The following FNDC3B variants were observed in gnomAD, a reference collection of about 807,000 sequenced individuals.
FNDC3B encodes fibronectin type III domain containing 3B.
FNDC3B carries 12 observed loss-of-function variants against 151.5 expected under a neutral mutation model. That is an observed-to-expected ratio of 0.08 (90% CI 0.05 to 0.13). The LOEUF is 0.13. FNDC3B is among the 10% of genes least tolerant of loss of function. The probability of loss-of-function intolerance (pLI) is 1.00; values close to 1 mark genes in which losing one functional copy is unlikely to be tolerated. For missense variants in FNDC3B, 1,214 were observed against 1,505.3 expected (o/e 0.81, Z 3.20); for synonymous variants, 528 against 549.0 (o/e 0.96, Z 0.54).
intron 11 of FNDC3B, among the ~76,000 whole-genome samples, chr3:172,314,314 A>G (rs535461685): frequency 6.6e-6 from 1 of 152,282 alleles, no homozygotes; most frequent in East Asian, 1.9e-4. Flanking sequence ...ACAAACTTAG[A>G]TTGCAGAAAG....
chr3:172,287,110 C>T (rs948491229), intron 7 of FNDC3B, among the ~76,000 whole-genome samples: 5 of 152,164 alleles, frequency 3.3e-5, no homozygotes, highest in Admixed American at 6.5e-5. Flanking sequence ...AGATGCCTTC[C>T]TGATTGCTGT....
At chr3:172,389,518 C>A (rs956045240) in intron 25 of FNDC3B, among the ~76,000 whole-genome samples, 1 of 152,078 alleles carries the variant, frequency 6.6e-6, no homozygotes, top group South Asian at 2.1e-4. Flanking sequence ...ACTATTAGAA[C>A]GTATTAGAAA....
intron 11 of FNDC3B, among the ~76,000 whole-genome samples, chr3:172,312,856 G>A (rs1162836817): frequency 6.6e-6 from 1 of 152,152 alleles, no homozygotes; most frequent in African/African-American, 2.4e-5. Context: ...AATTTGAAGT[G>A]AGAGTGTCGT....
At chr3:172,253,143 A>G (rs1159780689) in intron 6 of FNDC3B, among the ~76,000 whole-genome samples, 1 of 152,242 alleles carries the variant, frequency 6.6e-6, no homozygotes, top group Non-Finnish European at 1.5e-5. Flanking sequence ...TCATTCTTTA[A>G]TAATTTTCAC....
rs947946824 is a variant in FNDC3B, at chr3:172,217,646, GT to G, written c.188-9215del. Among the ~76,000 whole-genome samples the G allele has an allele frequency of 2.0e-3, 142 of 70,708 alleles. No homozygotes were observed. In the East Asian group the frequency reaches 0.032, roughly 16 times the overall value. The allele number at this position is 70,708 out of a possible 152,430, so 46.4% of individuals were successfully genotyped here. On this transcript the variant is annotated intron_variant, in intron 3 of 25. Coordinates refer to ENST00000415807, the MANE Select transcript of FNDC3B (RefSeq NM_022763.4). ...TGTATTTACACAATAAGTGTATAGG[GT>G]TTTTTTTTTAAAACCATTTAAGCCT...
At chr3:172,306,357 A>G (rs1429530608) in intron 9 of FNDC3B, among the ~76,000 whole-genome samples, 1 of 152,204 alleles carries the variant, frequency 6.6e-6, no homozygotes, top group Non-Finnish European at 1.5e-5. Flanking sequence ...TGGCCTTGGG[A>G]AATGTACTTC....
intron 8 of FNDC3B, among the ~76,000 whole-genome samples, chr3:172,297,026 A>G (rs1253960183): frequency 6.6e-6 from 1 of 152,164 alleles, no homozygotes; most frequent in African/African-American, 2.4e-5. Flanking sequence ...GGTAACATAC[A>G]TGAGCAAAGT....
chr3:172,312,381 A>C (rs1014172382), intron 11 of FNDC3B, among the ~76,000 whole-genome samples: 1 of 152,196 alleles, frequency 6.6e-6, no homozygotes, highest in Admixed American at 6.5e-5. Flanking sequence ...GTTAATTAGA[A>C]AGTGAAACCA....
chr3:172,230,338 C>A (rs370725097), intron 4 of FNDC3B, among the ~76,000 whole-genome samples: 144 of 130,028 alleles, frequency 1.1e-3, no homozygotes, highest in East Asian at 1.1e-3. Context: ...ACTAAAAATA[C>A]AAAAAAAAAA....
intron 19 of FNDC3B, 141 bp downstream of exon 19, chr3:172,344,399 T>C (rs899942067): frequency 3.1e-6 from 2 of 641,672 alleles, no homozygotes; most frequent in African/African-American, 1.9e-5. Context: ...TGTCTGTAAA[T>C]CTTAATTCTG....
intron 6 of FNDC3B, among the ~76,000 whole-genome samples, chr3:172,282,010 A>T (rs1010180613): frequency 6.6e-6 from 1 of 152,198 alleles, no homozygotes; most frequent in African/African-American, 2.4e-5. Flanking sequence ...TGTTTTATGG[A>T]AAGAGTGGTC....
chr3:172,206,520 G>T (rs935814170), intron 3 of FNDC3B, among the ~76,000 whole-genome samples: 1 of 151,946 alleles, frequency 6.6e-6, no homozygotes, highest in East Asian at 1.9e-4. Flanking sequence ...TTAGCTGGGG[G>T]TGGTGGCGGG....
chr3:172,272,382 A>C (rs2108805119), intron 6 of FNDC3B, among the ~76,000 whole-genome samples: 1 of 152,250 alleles, frequency 6.6e-6, no homozygotes, highest in East Asian at 1.9e-4. Flanking sequence ...CCTAAGATTA[A>C]ATACCTTAAG....
chr3:172,100,457 C>T (rs4586845), intron 1 of FNDC3B, among the ~76,000 whole-genome samples: 8,530 of 152,102 alleles, frequency 0.056, 370 homozygotes, highest in East Asian at 0.23. Context: ...CTCTGGTGTG[C>T]GACAGTTTTC....
intron 6 of FNDC3B, among the ~76,000 whole-genome samples, chr3:172,256,148 T>A (rs1338302360): frequency 6.6e-6 from 1 of 152,214 alleles, no homozygotes; most frequent in Middle Eastern, 3.2e-3. Context: ...CCCTTCACAT[T>A]TCCCCACCAG....
At chr3:172,086,555 C>G (rs568231562) in intron 1 of FNDC3B, among the ~76,000 whole-genome samples, 2 of 152,248 alleles carry the variant, frequency 1.3e-5, no homozygotes, top group African/African-American at 4.8e-5. Context: ...TTATGTGACT[C>G]TTTATGTAAA....
chr3:172,238,449 T>G (rs1366489724), intron 4 of FNDC3B, among the ~76,000 whole-genome samples: 1 of 152,212 alleles, frequency 6.6e-6, no homozygotes, highest in Non-Finnish European at 1.5e-5. Context: ...ACCACCACAG[T>G]CAGCCCTCTA....
chr3:172,351,972 G>C (rs1446176503), intron 21 of FNDC3B, among the ~76,000 whole-genome samples: 1 of 152,138 alleles, frequency 6.6e-6, no homozygotes, highest in African/African-American at 2.4e-5. Flanking sequence ...CAGGGGACTG[G>C]GCCACCCATC....
At chr3:172,354,620 A>G (rs1218935930) in intron 22 of FNDC3B, among the ~76,000 whole-genome samples, 1 of 151,946 alleles carries the variant, frequency 6.6e-6, no homozygotes, top group Non-Finnish European at 1.5e-5. Context: ...TGGTCAACCC[A>G]CAGTCTTGTT....
Sources: allele counts gnomAD v4.1 joint callset (sites outside exome capture counted in the v4.1 genomes callset), GRCh38; gene constraint gnomAD v4.1.1; transcripts MANE v1.5; gene names NCBI Gene and HGNC (gene_info 2026-07-23, HGNC 2026-07-21).